Variants in KMT5B observed in about 807,000 individuals in gnomAD.
KMT5B encodes lysine methyltransferase 5B.
A neutral mutation model predicts 83.2 loss-of-function variants in KMT5B; 10 were observed. The ratio of observed to expected loss-of-function variants is 0.12; its 90% confidence interval spans 0.07 to 0.20. KMT5B has a LOEUF of 0.20. KMT5B is among the 10% of genes least tolerant of loss of function. The pLI is 1.00. For missense variants in KMT5B, 753 were observed against 1,067.2 expected (o/e 0.71, Z 4.10); for synonymous variants, 349 against 388.8 (o/e 0.90, Z 1.20).
chr11:68,194,554 C>T (rs536365172), intron 1 of KMT5B, among the ~76,000 whole-genome samples: 16 of 152,268 alleles, frequency 1.1e-4, no homozygotes, highest in African/African-American at 3.4e-4. Context: ...TCAATAACCT[C>T]GTCAAGACTT....
intron 1 of KMT5B, among the ~76,000 whole-genome samples, chr11:68,199,357 G>A (rs1859131928): frequency 6.6e-6 from 1 of 152,172 alleles, no homozygotes; most frequent in Non-Finnish European, 1.5e-5. Flanking sequence ...GAGGGTGATA[G>A]TGGCTGTTTT....
rs1277894329 is a variant in KMT5B, at chr11:68,200,305, A to T, written c.-76-10153T>A. On this transcript the variant is annotated intron_variant, in intron 1 of 10. Transcript: ENST00000304363. ...AAAAGGAGCAACAAGTGAGAAGCAG[A>T]GCCAGGCATGACAGGGACCACTCTG... Among the ~76,000 whole-genome samples the T allele has an allele frequency of 2.6e-5, 4 of 152,216 alleles. No individual in the cohort carries two copies. In the East Asian group the frequency reaches 7.7e-4, roughly 29 times the overall value.
intron 1 of KMT5B, among the ~76,000 whole-genome samples, chr11:68,211,477 T>A (rs984028375): frequency 6.6e-6 from 1 of 152,246 alleles, no homozygotes; most frequent in African/African-American, 2.4e-5. Flanking sequence ...ATTATGTTTG[T>A]AAACAACATT....
At chr11:68,165,062 T>C (rs1225895149) in intron 10 of KMT5B, among the ~76,000 whole-genome samples, 1 of 152,232 alleles carries the variant, frequency 6.6e-6, no homozygotes, top group Non-Finnish European at 1.5e-5. Flanking sequence ...AACTAAGTAG[T>C]ATATTGAGTT....
intron 9 of KMT5B, among the ~76,000 whole-genome samples, chr11:68,170,700 T>A (rs900837315): frequency 4.2e-4 from 64 of 152,194 alleles, no homozygotes; most frequent in African/African-American, 1.4e-3. Flanking sequence ...GGCAACCCCA[T>A]TCTGGCATTG....
At chr11:68,207,927 C>T (rs61890513) in intron 1 of KMT5B, among the ~76,000 whole-genome samples, 63,099 of 149,220 alleles carry the variant, frequency 0.42, 14,348 homozygotes, top group East Asian at 0.64. Context: ...GCAACCTCTG[C>T]CTCCCAGGTT....
intron 1 of KMT5B, among the ~76,000 whole-genome samples, chr11:68,206,260 A>G (rs771843588): frequency 1.4e-4 from 22 of 152,208 alleles, no homozygotes; most frequent in Non-Finnish European, 2.6e-4. Context: ...TTTCTTTGTT[A>G]CTGTTTTCTC....
intron 4 of KMT5B, chr11:68,179,838 T>G: frequency 2.5e-6 from 1 of 395,900 alleles, no homozygotes; most frequent in Admixed American, 4.1e-5. Flanking sequence ...GACCTGAAAA[T>G]AAACGAGAAC....
chr11:68,158,966 C>T lies in KMT5B; in HGVS notation c.1380G>A (p.Arg460=). Reference sequence around the variant, plus strand: ...TTCTTGAAGCATTCTTTTGCTCCAGCCGCTTGCAATGATTTCTCAATTTTA... The same window carrying T: ...TTCTTGAAGCATTCTTTTGCTCCAGTCGCTTGCAATGATTTCTCAATTTTA... The part of the protein sequence containing the change: ...SKIKLRNHCK[R]LEQKNASRKL... Residue 460 remains arginine (R), a synonymous_variant, in exon 11 of 11, where the codon CGG becomes CGA. Transcript: ENST00000304363. 1 of 1,612,566 alleles carries T rather than the reference C, an allele frequency of 6.2e-7. No homozygotes were observed. The highest frequency in any genetic ancestry group is 8.5e-7 in the Non-Finnish European group (1 of 1,179,742).
rs1368558998 is a variant in KMT5B, at chr11:68,157,884, T to C, written c.2462A>G (p.Tyr821Cys). 2.5e-6 allele frequency: 4 copies of C among 1,613,950 alleles called. No homozygotes were observed. The highest frequency in any genetic ancestry group is 1.3e-5 in the African/African-American group (1 of 74,928). ...SRMEVDDYSQ[Y>C]EEESTDDSSS... ...GGAATCATCTGTACTTTCTTCCTCATACTGACTATAGTCATCCACCTCCAT... is the reference window on the plus strand; with the variant it reads ...GGAATCATCTGTACTTTCTTCCTCACACTGACTATAGTCATCCACCTCCAT... The change falls in exon 11 of 11, where the codon TAT becomes TGT. Residue 821 changes from tyrosine to cysteine, a missense_variant. Physicochemically the swap from Tyr to Cys is radical, Grantham distance 194 (BLOSUM62 -2). Transcript: ENST00000304363.
intron 9 of KMT5B, among the ~76,000 whole-genome samples, chr11:68,170,650 C>T (rs1359616468): frequency 3.9e-5 from 6 of 152,232 alleles, no homozygotes; most frequent in East Asian, 3.9e-4. Flanking sequence ...ATATGCAAGA[C>T]GACTATCAGT....
At chr11:68,174,340 C>T in intron 5 of KMT5B, 1 of 321,092 alleles carries the variant, frequency 3.1e-6, no homozygotes, top group Non-Finnish European at 6.1e-6. Flanking sequence ...TAGCTGAACA[C>T]CTCTAAACAA....
chr11:68,175,234 A>C, intron 4 of KMT5B, 51 bp from the exon 5 acceptor site: 1 of 1,465,662 alleles, frequency 6.8e-7, no homozygotes, highest in Non-Finnish European at 9.5e-7. Flanking sequence ...TCCTTGCGCC[A>C]CTGATCCATC....
chr11:68,200,692 T>C (rs12801002), intron 1 of KMT5B, among the ~76,000 whole-genome samples: 5 of 152,114 alleles, frequency 3.3e-5, no homozygotes, highest in African/African-American at 2.4e-5. Flanking sequence ...GTTAAAAAAA[T>C]TTTTTTAAAC....
chr11:68,200,615 T>C (rs564794449), intron 1 of KMT5B, among the ~76,000 whole-genome samples: 5 of 151,538 alleles, frequency 3.3e-5, no homozygotes, highest in East Asian at 1.9e-4. Flanking sequence ...AATTATGGAG[T>C]GGGAGGTGAT....
At position 68,167,126 on chromosome 11, in the gene KMT5B, C is replaced by G. The variant is rs1197314855; in HGVS notation, c.1030G>C (p.Val344Leu). Reference protein sequence around the residue: ...SRVGLPAPAPVINSKYGLRET... With the variant: ...SRVGLPAPAPLINSKYGLRET... ...CTGAGTCCATATTTGCTATTGATAA[C>G]AGGAGCAGGCGCAGGCAGTCCCACT... The change falls in exon 10 of 11, where the codon GTT (valine) becomes CTT (leucine). Residue 344 changes from valine (V) to leucine (L), a missense_variant. Coordinates refer to ENST00000304363, the MANE Select transcript of KMT5B (RefSeq NM_017635.5). 1 of 1,613,824 alleles carries G rather than the reference C, an allele frequency of 6.2e-7. No individual in the cohort carries two copies. The highest frequency in any genetic ancestry group is 8.5e-7 in the Non-Finnish European group (1 of 1,179,900).
chr11:68,182,276 C>T (rs529843460), intron 3 of KMT5B, among the ~76,000 whole-genome samples: 8 of 152,268 alleles, frequency 5.3e-5, no homozygotes, highest in Non-Finnish European at 1.0e-4. Context: ...AACTGAGAGG[C>T]CAGATGTTTT....
In KMT5B at chr11:68,175,140, T is replaced by C; in HGVS notation, c.421A>G (p.Ile141Val). 1.2e-6 allele frequency: 2 copies of C among 1,613,976 alleles called. No homozygotes were observed. The highest frequency in any genetic ancestry group is 1.7e-6 in the Non-Finnish European group (2 of 1,179,920). ...KGRQEELKEV[I>V]ERFKKDEHLE... ...TGTTCATCTTTCTTAAAACGTTCAA[T>C]TACTTCCTTTAGTTCTTCCTGCCTT... Residue 141 changes from isoleucine to valine, a missense_variant, in exon 5 of 11, where the codon ATT (isoleucine) becomes GTT (valine). This residue lies in a region of KMT5B where 71 missense variants were observed against 107.0 expected (regional missense o/e 0.66). Coordinates refer to ENST00000304363, the MANE Select transcript of KMT5B (RefSeq NM_017635.5).
chr11:68,185,795 G>A lies in KMT5B; in HGVS notation c.294C>T (p.His98=). 6.2e-7 allele frequency: 1 copy of A among 1,613,522 alleles called. No individual in the cohort carries two copies. Among genetic ancestry groups the A allele is most frequent in the Non-Finnish European group, 8.5e-7 (1 of 1,179,776 alleles). The change falls in exon 3 of 11, where the codon CAC becomes CAT. Residue 98 remains histidine (H), a synonymous_variant. Coordinates refer to ENST00000304363, the MANE Select transcript of KMT5B (RefSeq NM_017635.5). Reference sequence around the variant, plus strand: ...CTGAAAATTACCTAGTATTCATTTTGTGTGTTTGAAAACCTAAATAGGGAT... The same window carrying A: ...CTGAAAATTACCTAGTATTCATTTTATGTGTTTGAAAACCTAAATAGGGAT... ...VLDPYLGFQT[H]KMNTSAFPSR... is the part of the protein sequence containing the mutation.
Sources: gnomAD v4.1 joint callset for allele counts (sites outside exome capture counted in the v4.1 genomes callset) on GRCh38, gnomAD v4.1.1 for gene constraint, gnomAD v4.1.1 regional missense constraint, MANE v1.5 for transcripts, NCBI Gene and HGNC (gene_info 2026-07-23, HGNC 2026-07-21) for gene names.